The following MYO5B variants were observed in gnomAD, a reference collection of about 807,000 sequenced individuals.
The protein encoded by MYO5B is myosin VB, also known as unconventional myosin-Vb.
MYO5B carries 143 observed loss-of-function variants against 229.3 expected under a neutral mutation model. The ratio of observed to expected loss-of-function variants is 0.62; its 90% CI spans 0.54 to 0.72. The LOEUF is 0.72. MYO5B is among the 30% of genes least tolerant of loss of function. The probability of loss-of-function intolerance (pLI) is 0.00; values close to 1 mark genes in which losing one functional copy is unlikely to be tolerated. For missense variants in MYO5B, 2,321 were observed against 2,331.0 expected (o/e 1.00, Z 0.09); for synonymous variants, 918 against 885.2 (o/e 1.04, Z -0.66).
chr18:50,161,822 G>A (rs1465749676), intron 1 of MYO5B, among the ~76,000 whole-genome samples: 1 of 152,250 alleles, frequency 6.6e-6, no homozygotes, highest in Non-Finnish European at 1.5e-5. Context: ...AGCAAAGTCA[G>A]GGACTGTGAC....
At chr18:50,100,412 A>G (rs992582515) in intron 1 of MYO5B, among the ~76,000 whole-genome samples, 13 of 152,188 alleles carry the variant, frequency 8.5e-5, no homozygotes, top group African/African-American at 1.9e-4. Context: ...TGAAGCATCT[A>G]TTACTGCAAG....
intron 1 of MYO5B, chr18:50,064,402 C>T (rs1036818080): frequency 6.6e-6 from 1 of 152,186 alleles, no homozygotes; most frequent in African/African-American, 2.4e-5. Flanking sequence ...AGGATATGTC[C>T]AGATCCAATC....
intron 14 of MYO5B, among the ~76,000 whole-genome samples, chr18:49,942,692 G>A (rs12968080): frequency 0.096 from 14,503 of 150,860 alleles, 765 homozygotes; most frequent in Middle Eastern, 0.21. Context: ...TTAGAATGGC[G>A]ATCATTAAAA....
At chr18:50,180,375 C>T (rs564703245) in intron 1 of MYO5B, among the ~76,000 whole-genome samples, 3 of 152,264 alleles carry the variant, frequency 2.0e-5, no homozygotes, top group Non-Finnish European at 4.4e-5. Context: ...GACTCTTGCT[C>T]CTGGTTTACA....
intron 7 of MYO5B, among the ~76,000 whole-genome samples, chr18:49,985,956 G>T (rs544606510): frequency 2.0e-5 from 3 of 152,246 alleles, no homozygotes; most frequent in African/African-American, 7.2e-5. Flanking sequence ...TGTTGAAAAA[G>T]ACACTATTCC....
intron 22 of MYO5B, among the ~76,000 whole-genome samples, chr18:49,885,572 G>T (rs2024633394): frequency 6.6e-6 from 1 of 152,176 alleles, no homozygotes; most frequent in Non-Finnish European, 1.5e-5. Flanking sequence ...CCAAATGCAT[G>T]AGGTTTGAAT....
intron 32 of MYO5B, among the ~76,000 whole-genome samples, chr18:49,847,830 TGGGTGGTGGATCA>T (rs1435957534): frequency 6.6e-6 from 1 of 152,168 alleles, no homozygotes; most frequent in Non-Finnish European, 1.5e-5. Context: ...CTGTGACCTG[TGGGTGGTGGATCA>T]GGGTGGTGAT....
intron 22 of MYO5B, among the ~76,000 whole-genome samples, chr18:49,887,533 T>C (rs938802215): frequency 1.3e-5 from 2 of 152,114 alleles, no homozygotes; most frequent in African/African-American, 2.4e-5. Flanking sequence ...ACTATCGCCA[T>C]GTGATGCCTG....
chr18:50,052,875 A>G (rs1034930429), intron 2 of MYO5B, among the ~76,000 whole-genome samples: 19 of 152,188 alleles, frequency 1.2e-4, no homozygotes, highest in African/African-American at 2.7e-4. Context: ...AGGTCCTATC[A>G]TAAGTCAGAG....
rs560653244 is a variant in MYO5B, at chr18:50,161,523, G to A, written c.27+33244C>T. ...AATGGGCAGAAAGGACTAGGGTTTC[G>A]GGGCGGGGTGGGGGGGCACAGGAGT... On this transcript the variant is annotated intron_variant, in intron 1 of 39. Transcript: ENST00000285039. Among the ~76,000 whole-genome samples, 16 of 151,424 alleles carry A rather than the reference G, an allele frequency of 1.1e-4. No homozygotes were observed. In the East Asian group the frequency reaches 2.1e-3, roughly 20 times the overall value.
intron 18 of MYO5B, among the ~76,000 whole-genome samples, chr18:49,909,572 G>A (rs1174389462): frequency 6.6e-6 from 1 of 152,220 alleles, no homozygotes; most frequent in Non-Finnish European, 1.5e-5. Flanking sequence ...GTATTCCTGT[G>A]ACAACCAGGA....
chr18:50,142,693 C>T (rs1264594474), intron 1 of MYO5B, among the ~76,000 whole-genome samples: 1 of 152,150 alleles, frequency 6.6e-6, no homozygotes, highest in Non-Finnish European at 1.5e-5. Context: ...TCACAGGTGG[C>T]TAGTAGTCAA....
intron 30 of MYO5B, among the ~76,000 whole-genome samples, chr18:49,855,207 C>T (rs1435650444): frequency 1.3e-5 from 2 of 152,192 alleles, no homozygotes; most frequent in Non-Finnish European, 2.9e-5. Context: ...TTCTCTCCTG[C>T]CTTGTGCAGC....
At chr18:50,051,822 C>T (rs1056289851) in intron 2 of MYO5B, among the ~76,000 whole-genome samples, 4 of 152,182 alleles carry the variant, frequency 2.6e-5, no homozygotes, top group Non-Finnish European at 4.4e-5. Flanking sequence ...TACCTGGGAT[C>T]GTCAAACTCA....
intron 9 of MYO5B, among the ~76,000 whole-genome samples, chr18:49,975,234 G>A (rs1315519745): frequency 1.3e-5 from 2 of 152,188 alleles, no homozygotes; most frequent in Non-Finnish European, 2.9e-5. Context: ...CTCCTAAGGT[G>A]GATGGGCCCT....
chr18:49,827,106 A>C (rs2023856570), intron 39 of MYO5B, among the ~76,000 whole-genome samples: 1 of 152,224 alleles, frequency 6.6e-6, no homozygotes, highest in African/African-American at 2.4e-5. Flanking sequence ...TGGTCCCTCC[A>C]CTGAAGCTAC....
At chr18:49,891,917 T>C (rs569942742) in intron 22 of MYO5B, among the ~76,000 whole-genome samples, 18 of 152,278 alleles carry the variant, frequency 1.2e-4, no homozygotes, top group African/African-American at 3.9e-4. Context: ...GCTAGTCATC[T>C]CTCACAAGGA....
At chr18:50,076,279 T>C (rs1459223954) in intron 1 of MYO5B, among the ~76,000 whole-genome samples, 1 of 152,202 alleles carries the variant, frequency 6.6e-6, no homozygotes, top group East Asian at 1.9e-4. Flanking sequence ...GAAAGTGAGC[T>C]GAACTGTAAG....
At position 49,931,090 on chromosome 18, in the gene MYO5B, CA is replaced by C. The variant is rs1446662704; in HGVS notation, c.2004-1493del. 3.3e-5 allele frequency among the ~76,000 whole-genome samples: 5 copies of C among 152,152 alleles called. No homozygotes were observed. The East Asian group carries it at 9.6e-4, about 29-fold the overall frequency. On this transcript the variant is annotated intron_variant, in intron 16 of 39. Coordinates refer to ENST00000285039, the MANE Select transcript of MYO5B (RefSeq NM_001080467.3). ...GCTCCCTTTCCTTCTGACTGTCCTG[CA>C]GCTCAGCTGGAGCTAAGAGTCATGC...
Sources: allele counts gnomAD v4.1 joint callset (sites outside exome capture counted in the v4.1 genomes callset), GRCh38; gene constraint gnomAD v4.1.1; transcripts MANE v1.5; gene names NCBI Gene and HGNC (gene_info 2026-07-23, HGNC 2026-07-21).